Variants in SDCCAG8 observed in about 807,000 individuals in gnomAD.
SDCCAG8 encodes the protein SHH signaling and ciliogenesis regulator SDCCAG8.
SDCCAG8 carries 74 observed loss-of-function variants against 101.8 expected under a neutral mutation model. That is an observed-to-expected ratio of 0.73 (90% CI 0.60 to 0.88). SDCCAG8 has a LOEUF of 0.88. SDCCAG8 is among the 40% of genes least tolerant of loss of function. The pLI is 0.00. For missense variants in SDCCAG8, 787 were observed against 822.6 expected (o/e 0.96, Z 0.53); for synonymous variants, 281 against 292.9 (o/e 0.96, Z 0.41).
chr1:243,304,966 G>T (rs770510348), intron 7 of SDCCAG8, 189 bp downstream of exon 7: 6 of 576,976 alleles, frequency 1.0e-5, no homozygotes, highest in Non-Finnish European at 1.9e-5. Context: ...TCCAAATCAC[G>T]TTCCCATTTC....
intron 16 of SDCCAG8, among the ~76,000 whole-genome samples, chr1:243,438,329 G>C (rs187757532): frequency 2.4e-4 from 37 of 152,242 alleles, no homozygotes; most frequent in African/African-American, 8.4e-4. Context: ...CTTTTACAGT[G>C]GCCATTTCCC....
rs1442594198 is a variant in SDCCAG8, at chr1:243,330,525, G to A, written c.1069-15G>A. On this transcript the variant is annotated splice_polypyrimidine_tract_variant and intron_variant, in intron 9 of 17. Coordinates refer to ENST00000366541, the MANE Select transcript of SDCCAG8 (RefSeq NM_006642.5). ...AAATTCTAACCTCCTCTTTCAATCT[G>A]TTCTATCCTGGCAGGCTTTAATCCA... 4 of 1,613,902 alleles carry A rather than the reference G, an allele frequency of 2.5e-6. No individual in the cohort carries two copies. The highest frequency in any genetic ancestry group is 2.2e-5 in the East Asian group (1 of 44,862).
At chr1:243,479,128 T>C (rs1295077918) in intron 16 of SDCCAG8, among the ~76,000 whole-genome samples, 2 of 152,350 alleles carry the variant, frequency 1.3e-5, no homozygotes, top group East Asian at 3.9e-4. Context: ...AACAAAGTAA[T>C]ACAGCTTTAC....
intron 10 of SDCCAG8, among the ~76,000 whole-genome samples, chr1:243,336,864 A>G (rs1386313878): frequency 6.6e-6 from 1 of 151,742 alleles, no homozygotes; most frequent in Non-Finnish European, 1.5e-5. Flanking sequence ...TGCTTGTTCA[A>G]TTGTTTACTT....
At chr1:243,457,035 G>T (rs1034172222) in intron 16 of SDCCAG8, among the ~76,000 whole-genome samples, 3 of 152,178 alleles carry the variant, frequency 2.0e-5, no homozygotes, top group Non-Finnish European at 2.9e-5. Flanking sequence ...CTTCCAAAAA[G>T]GAAAATGGGC....
chr1:243,394,281 T>C (rs79861642), intron 13 of SDCCAG8, among the ~76,000 whole-genome samples: 1 of 152,352 alleles, frequency 6.6e-6, no homozygotes, highest in East Asian at 1.9e-4. Flanking sequence ...GCAATAAATC[T>C]AATTTGGTGC....
At chr1:243,453,317 C>G (rs1438796924) in intron 16 of SDCCAG8, among the ~76,000 whole-genome samples, 5 of 152,170 alleles carry the variant, frequency 3.3e-5, no homozygotes, top group Admixed American at 2.0e-4. Flanking sequence ...GAGGCCCCAG[C>G]CCAAGACTGC....
intron 10 of SDCCAG8, among the ~76,000 whole-genome samples, chr1:243,332,770 G>A (rs1441545490): frequency 2.0e-5 from 3 of 152,036 alleles, no homozygotes; most frequent in Non-Finnish European, 4.4e-5. Flanking sequence ...GTCCGGGTCT[G>A]GAGGTGATTA....
intron 1 of SDCCAG8, among the ~76,000 whole-genome samples, chr1:243,266,078 A>G (rs915983069): frequency 1.3e-5 from 2 of 152,174 alleles, no homozygotes; most frequent in African/African-American, 4.8e-5. Flanking sequence ...GTATAAATTT[A>G]TGGGTTACAA....
chr1:243,395,696 T>A (rs1433998857), intron 13 of SDCCAG8, among the ~76,000 whole-genome samples: 1 of 152,110 alleles, frequency 6.6e-6, no homozygotes, highest in African/African-American at 2.4e-5. Context: ...GTTTTTAATT[T>A]AGCCTCACAA....
At chr1:243,282,972 G>A (rs898345354) in intron 4 of SDCCAG8, among the ~76,000 whole-genome samples, 5 of 151,854 alleles carry the variant, frequency 3.3e-5, no homozygotes, top group South Asian at 4.2e-4. Flanking sequence ...TCAGCCTCCC[G>A]AGTAGCTGGG....
intron 12 of SDCCAG8, among the ~76,000 whole-genome samples, chr1:243,366,070 T>G (rs1242866109): frequency 1.3e-5 from 2 of 152,086 alleles, no homozygotes; most frequent in African/African-American, 2.4e-5. Flanking sequence ...TCTGAGAGCA[T>G]TGTAAATACA....
chr1:243,310,405 G>A lies in SDCCAG8; in HGVS notation c.929+2228G>A, dbSNP rs965620494. ...TCATGAGGTACATATTATTACCCCC[G>A]TTTTATAGCTAGGGAAATTGGGGTT... is the stretch of plus-strand genomic sequence containing the variant. On this transcript the variant is annotated intron_variant, in intron 8 of 17. Transcript: ENST00000366541. Among the ~76,000 whole-genome samples the A allele has an allele frequency of 7.2e-5, 11 of 151,996 alleles. No homozygotes were observed. The South Asian group carries it at 1.0e-3, about 14-fold the overall frequency.
At position 243,308,032 on chromosome 1, in the gene SDCCAG8, G is replaced by C. The variant is rs149038104; in HGVS notation, c.784G>C (p.Glu262Gln). 20 of 1,614,122 alleles carry C rather than the reference G, an allele frequency of 1.2e-5. No homozygotes were observed. The African/African-American group carries it at 2.1e-4, about 17-fold the overall frequency. Reference sequence around the variant, plus strand: ...TCAGAGAACTTGTGAAGATCTTAAAGAGCAACTAAAGCATAAAGAATTTCT... The same window carrying C: ...TCAGAGAACTTGTGAAGATCTTAAACAGCAACTAAAGCATAAAGAATTTCT... The part of the protein sequence containing the change: ...EYQRTCEDLK[E>Q]QLKHKEFLLA... The change falls in exon 8 of 18, where the codon GAG becomes CAG. Residue 262 changes from glutamate (E) to glutamine (Q), a missense_variant. Glu to Gln is a conservative substitution (Grantham distance 29). Transcript: ENST00000366541.
chr1:243,346,341 A>G (rs558166284), intron 12 of SDCCAG8: 1 of 154,262 alleles, frequency 6.5e-6, no homozygotes, highest in South Asian at 2.0e-4. Context: ...CTACAATAAT[A>G]TAAAGTAGAT....
chr1:243,475,117 G>A lies in SDCCAG8; in HGVS notation c.1986-13897G>A, dbSNP rs541478946. Among the ~76,000 whole-genome samples the A allele has an allele frequency of 3.0e-4, 45 of 152,006 alleles. 2 individuals carry two copies. The South Asian group carries it at 8.5e-3, about 29-fold the overall frequency. On this transcript the variant is annotated intron_variant, in intron 16 of 17. Transcript: ENST00000366541. ...CACGCACAGGCCCAAGCTCTGTCCT[G>A]CAGCCCCTCCCGGACACGCACAGGC... is the stretch of plus-strand genomic sequence containing the variant.
intron 9 of SDCCAG8, among the ~76,000 whole-genome samples, chr1:243,325,698 T>C (rs2074097093): frequency 6.6e-6 from 1 of 152,160 alleles, no homozygotes; most frequent in African/African-American, 2.4e-5. Context: ...AGGTCTCTGA[T>C]TTGGGCAAGT....
chr1:243,381,071 G>A (rs146129889), intron 13 of SDCCAG8, among the ~76,000 whole-genome samples: 17 of 136,982 alleles, frequency 1.2e-4, no homozygotes, highest in African/African-American at 3.5e-4. Flanking sequence ...TAACTCCCAC[G>A]CAGATAACAC....
intron 9 of SDCCAG8, among the ~76,000 whole-genome samples, chr1:243,319,417 A>G (rs1397275696): frequency 6.6e-6 from 1 of 152,118 alleles, no homozygotes. Flanking sequence ...CTTGTTGCCC[A>G]GGCTGGAGTG....
Sources: gnomAD v4.1 joint callset for allele counts (sites outside exome capture counted in the v4.1 genomes callset) on GRCh38, gnomAD v4.1.1 for gene constraint, MANE v1.5 for transcripts, NCBI Gene and HGNC (gene_info 2026-07-23, HGNC 2026-07-21) for gene names.